The following WWOX variants were observed in gnomAD, a reference collection of about 807,000 sequenced individuals.
WWOX encodes the protein WW domain containing oxidoreductase.
A neutral mutation model predicts 46.2 loss-of-function variants in WWOX; 69 were observed. The observed-to-expected ratio is 1.49, with a 90% CI of 1.23 to 1.82. The LOEUF (loss-of-function observed/expected upper bound fraction) is 1.82, where lower values mean the gene tolerates loss of function less well. Ranked by LOEUF, WWOX falls within the 40% of genes most tolerant of loss-of-function variation. The pLI is 0.00. For missense variants in WWOX, 919 were observed against 542.6 expected, an observed-to-expected ratio of 1.69 and a Z score of -6.89; for synonymous variants, 359 against 202.6, an observed-to-expected ratio of 1.77 and a Z score of -6.56.
At chr16:78,881,822 C>G (rs899823983) in intron 8 of WWOX, among the ~76,000 whole-genome samples, 1 of 152,124 alleles carries the variant, frequency 6.6e-6, no homozygotes, top group South Asian at 2.1e-4. Flanking sequence ...ATTTTCTTCT[C>G]GAATTAGAAG....
rs147567633 is a variant in WWOX at position 78,427,299 on chromosome 16, C to T, written c.791+2244C>T. ...AAAATATTTATTAGCCTTCCTGTGT[C>T]TTCACTGTGTTTTAGTTACTTATCT... On this transcript the variant is annotated intron_variant, in intron 7 of 8. Transcript: ENST00000566780. 5.0e-3 allele frequency among the ~76,000 whole-genome samples: 767 copies of T among 152,312 alleles called. 8 individuals are homozygous for T. The highest frequency in any genetic ancestry group is 0.017 in the Middle Eastern group (5 of 294).
intron 8 of WWOX, among the ~76,000 whole-genome samples, chr16:78,828,315 G>T (rs2051719255): frequency 6.6e-6 from 1 of 152,080 alleles, no homozygotes; most frequent in South Asian, 2.1e-4. Context: ...CAGGGGCCAG[G>T]CAAAAACTGG....
intron 8 of WWOX, among the ~76,000 whole-genome samples, chr16:79,100,442 C>G (rs560118285): frequency 3.9e-5 from 6 of 152,080 alleles, no homozygotes; most frequent in African/African-American, 1.4e-4. Context: ...CCTTTATTAC[C>G]ACAGTAATAA....
intron 8 of WWOX, among the ~76,000 whole-genome samples, chr16:79,039,208 G>A (rs905447030): frequency 1.3e-5 from 2 of 152,154 alleles, no homozygotes; most frequent in Admixed American, 6.6e-5. Flanking sequence ...TTGCGTTGCA[G>A]TTTTGTTCAG....
intron 5 of WWOX, among the ~76,000 whole-genome samples, chr16:78,319,757 C>T (rs554707852): frequency 3.3e-5 from 5 of 152,276 alleles, no homozygotes; most frequent in South Asian, 4.1e-4. Context: ...CCATCTGCAC[C>T]GAGGTCTCTC....
At chr16:78,651,347 C>T (rs181486903) in intron 8 of WWOX, among the ~76,000 whole-genome samples, 7 of 152,276 alleles carry the variant, frequency 4.6e-5, no homozygotes, top group African/African-American at 7.2e-5. Context: ...AAAGATATAA[C>T]GATTGAATTA....
chr16:78,958,109 A>G (rs2046204821), intron 8 of WWOX, among the ~76,000 whole-genome samples: 1 of 152,160 alleles, frequency 6.6e-6, no homozygotes, highest in Non-Finnish European at 1.5e-5. Flanking sequence ...TCTCCGATAT[A>G]TTATTTGGTC....
At chr16:78,469,487 G>C (rs960313758) in intron 8 of WWOX, among the ~76,000 whole-genome samples, 1 of 152,206 alleles carries the variant, frequency 6.6e-6, no homozygotes, top group Non-Finnish European at 1.5e-5. Flanking sequence ...CAGTGAGGGT[G>C]ATGATGGTGT....
chr16:78,759,784 G>T lies in WWOX; in HGVS notation c.1056+327032G>T, dbSNP rs1378086050. 4.6e-5 allele frequency among the ~76,000 whole-genome samples: 7 copies of T among 152,160 alleles called. No individual in the cohort carries two copies. The East Asian group carries it at 1.3e-3, about 29-fold the overall frequency. The stretch of plus-strand genomic sequence containing the variant: ...CACAAATGTCTTATCTTACAGTTCT[G>T]AAGGTTTCGCTCCAGAGTGAGTTTT... On this transcript the variant is annotated intron_variant, in intron 8 of 8. Coordinates refer to ENST00000566780, the MANE Select transcript of WWOX (RefSeq NM_016373.4).
chr16:78,118,247 T>C (rs2032910811), intron 4 of WWOX, among the ~76,000 whole-genome samples: 2 of 151,948 alleles, frequency 1.3e-5, no homozygotes, highest in African/African-American at 4.8e-5. Context: ...CGGAGCTGTA[T>C]TTTGAGTTTT....
chr16:78,174,280 G>A (rs2035259649), intron 5 of WWOX, among the ~76,000 whole-genome samples: 1 of 152,138 alleles, frequency 6.6e-6, no homozygotes, highest in Non-Finnish European at 1.5e-5. Context: ...AGAAAAATGA[G>A]GAAGAAGCAA....
At chr16:79,160,342 G>C (rs1180053632) in intron 8 of WWOX, among the ~76,000 whole-genome samples, 1 of 152,148 alleles carries the variant, frequency 6.6e-6, no homozygotes, top group Non-Finnish European at 1.5e-5. Context: ...CACCAAGCGG[G>C]AGGTGGAGGG....
chr16:78,641,480 C>T (rs982479010), intron 8 of WWOX, among the ~76,000 whole-genome samples: 2 of 152,096 alleles, frequency 1.3e-5, no homozygotes, highest in East Asian at 1.9e-4. Context: ...CCAATCCCCT[C>T]TCACGCCCCA....
chr16:78,520,126 A>G (rs188189682), intron 8 of WWOX, among the ~76,000 whole-genome samples: 24 of 152,312 alleles, frequency 1.6e-4, no homozygotes, highest in Non-Finnish European at 2.5e-4. Context: ...TAGTGATGCA[A>G]TAACATCCTT....
intron 5 of WWOX, among the ~76,000 whole-genome samples, chr16:78,325,178 C>G (rs181266667): frequency 6.6e-6 from 1 of 152,160 alleles, no homozygotes; most frequent in Non-Finnish European, 1.5e-5. Context: ...TCCTTTGAAT[C>G]CTTTTCCGTC....
chr16:78,689,007 G>C (rs2142258767), intron 8 of WWOX, among the ~76,000 whole-genome samples: 1 of 152,248 alleles, frequency 6.6e-6, no homozygotes, highest in Non-Finnish European at 1.5e-5. Context: ...AGTTTCCTGA[G>C]ACCTCCACAG....
At chr16:78,516,133 C>A (rs970696015) in intron 8 of WWOX, among the ~76,000 whole-genome samples, 1 of 152,312 alleles carries the variant, frequency 6.6e-6, no homozygotes, top group East Asian at 1.9e-4. Context: ...GTGCCCCTTT[C>A]TTTCCGCAGT....
chr16:78,527,674 C>G (rs974246540), intron 8 of WWOX, among the ~76,000 whole-genome samples: 5 of 151,972 alleles, frequency 3.3e-5, no homozygotes, highest in African/African-American at 4.8e-5. Flanking sequence ...GCTCACTAAC[C>G]CTGTTTAATA....
chr16:78,607,140 A>T (rs2151625552), intron 8 of WWOX, among the ~76,000 whole-genome samples: 1 of 152,300 alleles, frequency 6.6e-6, no homozygotes, highest in African/African-American at 2.4e-5. Flanking sequence ...TTAATTAGTT[A>T]AAATACAAAA....
Sources: allele counts gnomAD v4.1 joint callset (sites outside exome capture counted in the v4.1 genomes callset), GRCh38; gene constraint gnomAD v4.1.1; transcripts MANE v1.5; gene names NCBI Gene and HGNC (gene_info 2026-07-23, HGNC 2026-07-21).